Variants in UFSP2 observed in about 807,000 individuals in gnomAD.
UFSP2 encodes ufm1-specific protease 2.
A neutral mutation model predicts 60.2 loss-of-function variants in UFSP2; 43 were observed. The ratio of observed to expected loss-of-function variants is 0.71; its 90% confidence interval spans 0.56 to 0.92. The LOEUF is 0.92. Among genes scored for constraint, UFSP2 ranks in the 40% least tolerant of loss-of-function variants. The pLI, the probability that UFSP2 is intolerant of heterozygous loss-of-function variation, is 0.00. For synonymous variants in UFSP2, 183 were observed against 195.1 expected (o/e 0.94, Z 0.52); for missense variants, 520 against 575.0 (o/e 0.90, Z 0.98).
At chr4:185,407,655 C>T (rs1040351632) in intron 9 of UFSP2, among the ~76,000 whole-genome samples, 8 of 151,784 alleles carry the variant, frequency 5.3e-5, no homozygotes, top group African/African-American at 1.7e-4. Flanking sequence ...CTTTACTCAA[C>T]GTTAATATAT....
Position 185,418,779 on chromosome 4 carries a change from A to C in UFSP2, c.83-9T>G. ...CTTCTTGAGAAAAATTTCTAAATTA[A>C]AAGAATATAAATAGAAGTTAAGAAA... On this transcript the variant is annotated splice_polypyrimidine_tract_variant and intron_variant, in intron 2 of 11. Transcript: ENST00000264689. 2.5e-6 allele frequency: 4 copies of C among 1,578,052 alleles called. No homozygotes were observed. The highest frequency in any genetic ancestry group is 3.4e-6 in the Non-Finnish European group (4 of 1,167,418).
At chr4:185,403,708 T>G in intron 10 of UFSP2, 90 bp from the exon 11 acceptor site, 1 of 1,496,742 alleles carries the variant, frequency 6.7e-7, no homozygotes, top group Non-Finnish European at 8.9e-7. Flanking sequence ...CGGCCGGGCG[T>G]GGTGGCTCAC....
intron 2 of UFSP2, among the ~76,000 whole-genome samples, chr4:185,419,170 C>T (rs1419336119): frequency 7.9e-5 from 12 of 151,684 alleles, no homozygotes; most frequent in Non-Finnish European, 1.6e-4. Context: ...CTCGCTCTGT[C>T]GCCCAGGCTG....
At position 185,402,153 on chromosome 4, in the gene UFSP2, A is replaced by G. The variant is rs533900335; in HGVS notation, c.1323+1341T>C. 2.8e-4 allele frequency: 98 copies of G among 345,610 alleles called. No homozygotes were observed. The East Asian group carries it at 7.0e-3, about 25-fold the overall frequency. 21.4% of individuals were successfully genotyped at this position (345,610 alleles called of 1,614,324 possible). A position where few individuals can be genotyped will look rare whatever the true frequency, so the allele number is the denominator to read the frequency against. On this transcript the variant is annotated intron_variant, in intron 11 of 11. Coordinates refer to ENST00000264689, the MANE Select transcript of UFSP2 (RefSeq NM_018359.5). ...TTTTTGCACTCTCCTTCTCTGTCCT[A>G]CCCTAAAGGTTTTAGCTCCCGAAAA...
chr4:185,416,546 T>A (rs1456797312), intron 4 of UFSP2, among the ~76,000 whole-genome samples: 2 of 152,192 alleles, frequency 1.3e-5, no homozygotes, highest in African/African-American at 4.8e-5. Context: ...TCAAGCACTC[T>A]AGGGTTGAAG....
intron 2 of UFSP2, among the ~76,000 whole-genome samples, chr4:185,421,399 G>A (rs183521783): frequency 2.0e-5 from 3 of 152,256 alleles, no homozygotes; most frequent in South Asian, 4.1e-4. Context: ...GGGCCTGGTG[G>A]GAGGTGTTTG....
intron 1 of UFSP2, among the ~76,000 whole-genome samples, chr4:185,423,470 T>C (rs747790327): frequency 2.0e-5 from 3 of 152,166 alleles, no homozygotes; most frequent in Non-Finnish European, 4.4e-5. Context: ...GTGATATGCA[T>C]TTAGAATCTC....
intron 7 of UFSP2, among the ~76,000 whole-genome samples, chr4:185,409,680 A>G (rs559985056): frequency 6.6e-6 from 1 of 152,344 alleles, no homozygotes; most frequent in East Asian, 1.9e-4. Context: ...GAACTTGTGA[A>G]TGCACCCTCT....
chr4:185,405,672 T>C (rs2095519478), intron 10 of UFSP2, 108 bp downstream of exon 10: 3 of 1,286,866 alleles, frequency 2.3e-6, no homozygotes, highest in Non-Finnish European at 3.2e-6. Flanking sequence ...TAAAAGTTAA[T>C]TTCAAAATTT....
chr4:185,406,469 G>A lies in UFSP2; in HGVS notation c.1122-613C>T, dbSNP rs566296298. Among the ~76,000 whole-genome samples, 5 of 152,246 alleles carry A rather than the reference G, an allele frequency of 3.3e-5. No homozygotes were observed. In the South Asian group the frequency reaches 6.2e-4, roughly 19 times the overall value. On this transcript the variant is annotated intron_variant, in intron 9 of 11. Coordinates refer to ENST00000264689, the MANE Select transcript of UFSP2 (RefSeq NM_018359.5). ...AGGTATTTTTTGGGGGAAGGTGCCC[G>A]GTGGTGCTAAACCTTAGCTCTTGCT...
rs527587882 is a variant in UFSP2 at position 185,400,060 on chromosome 4, CA to C, written c.*331del. 1,634 of 1,526,478 alleles carry C rather than the reference CA, an allele frequency of 1.1e-3. 13 individuals are homozygous for C. In the African/African-American group the frequency reaches 0.018, roughly 17 times the overall value. The allele number at this position is 1,526,478 out of a possible 1,614,324, so 94.6% of individuals were successfully genotyped here. A position where few individuals can be genotyped will look rare whatever the true frequency, so the allele number is the denominator to read the frequency against. On this transcript the variant is annotated 3_prime_UTR_variant, in exon 12 of 12. Transcript: ENST00000264689. ...AGAAGTCTGAAGAACGCCTTCATTT[CA>C]TGCAAATCTATAAGCTCCTGCTTTT...
At position 185,405,741 on chromosome 4, in the gene UFSP2, T is replaced by C. The variant is rs545140266; in HGVS notation, c.1198+39A>G. The C allele has an allele frequency of 4.4e-6, 7 of 1,587,878 alleles. No individual in the cohort carries two copies. In the South Asian group the frequency reaches 6.7e-5, roughly 15 times the overall value. On this transcript the variant is annotated intron_variant, in intron 10 of 11. Transcript: ENST00000264689. ...TTATATCAATGATAAGTTTTGCATATTACTCACTCTACCAAAAACAGTGTC... is the reference window on the plus strand; with the variant it reads ...TTATATCAATGATAAGTTTTGCATACTACTCACTCTACCAAAAACAGTGTC...
At chr4:185,422,956 G>T (rs757040146) in intron 1 of UFSP2, among the ~76,000 whole-genome samples, 1 of 152,110 alleles carries the variant, frequency 6.6e-6, no homozygotes, top group Admixed American at 6.5e-5. Flanking sequence ...CCTCCTGGGT[G>T]TAAGAGATTC....
In UFSP2 at chr4:185,399,851, A is replaced by G; in HGVS notation, c.*541T>C. The G allele has an allele frequency of 6.3e-7, 1 of 1,582,192 alleles. No homozygotes were observed. The highest frequency in any genetic ancestry group is 8.6e-7 in the Non-Finnish European group (1 of 1,163,508). On this transcript the variant is annotated 3_prime_UTR_variant, in exon 12 of 12. Transcript: ENST00000264689. Reference sequence around the variant, plus strand: ...CATAGCATTTATTATTCCATTTAATACTGACACTCGTATTTCTAGTAGTAT... The same window carrying G: ...CATAGCATTTATTATTCCATTTAATGCTGACACTCGTATTTCTAGTAGTAT...
Position 185,400,412 on chromosome 4 carries a change from G to T in UFSP2, c.1390C>A (p.Gln464Lys). 2.5e-6 allele frequency: 4 copies of T among 1,613,390 alleles called. No homozygotes were observed. Among genetic ancestry groups the T allele is most frequent in the Non-Finnish European group, 3.4e-6 (4 of 1,179,576 alleles). ...KDAYYNLCLP[Q>K]RPNMI The stretch of plus-strand genomic sequence containing the variant: ...ATATTTTAAATCATATTTGGTCGCT[G>T]AGGAAGACATAAGTTATAGTATGCA... The change falls in exon 12 of 12, where the codon CAG (glutamine) becomes AAG (lysine). Residue 464 changes from glutamine (Q) to lysine (K), a missense_variant. Gln to Lys is a moderately conservative substitution (Grantham distance 53). Coordinates refer to ENST00000264689, the MANE Select transcript of UFSP2 (RefSeq NM_018359.5).
At chr4:185,403,698 C>A in intron 10 of UFSP2, 80 bp from the exon 11 acceptor site, 1 of 1,528,612 alleles carries the variant, frequency 6.5e-7, no homozygotes, top group Non-Finnish European at 8.8e-7. Context: ...AGACAGATTA[C>A]GGCCGGGCGT....
At chr4:185,409,849 G>A (rs943820422) in intron 7 of UFSP2, among the ~76,000 whole-genome samples, 3 of 152,172 alleles carry the variant, frequency 2.0e-5, no homozygotes, top group African/African-American at 7.2e-5. Flanking sequence ...ATGTGACTGA[G>A]GAGGCAGAGA....
chr4:185,400,386 G>GAT lies in UFSP2; in HGVS notation c.*4_*5dup. 6.2e-7 allele frequency: 1 copy of GAT among 1,606,866 alleles called. No individual in the cohort carries two copies. The highest frequency in any genetic ancestry group is 2.2e-5 in the East Asian group (1 of 44,818). ...ACTCTACTGCAGTCTTTGACTCCAAGATATTTTAAATCATATTTGGTCGCT... is the reference window on the plus strand; with the variant it reads ...ACTCTACTGCAGTCTTTGACTCCAAGATATATTTTAAATCATATTTGGTCGCT... On this transcript the variant is annotated 3_prime_UTR_variant, in exon 12 of 12. Coordinates refer to ENST00000264689, the MANE Select transcript of UFSP2 (RefSeq NM_018359.5).
chr4:185,405,987 T>G (rs961459036), intron 9 of UFSP2, 131 bp from the exon 10 acceptor site: 4 of 1,530,312 alleles, frequency 2.6e-6, no homozygotes, highest in Admixed American at 2.0e-5. Flanking sequence ...TGTAAAAAAA[T>G]TAAGTGTTAG....
Sources: gnomAD v4.1 joint callset for allele counts (sites outside exome capture counted in the v4.1 genomes callset) on GRCh38, gnomAD v4.1.1 for gene constraint, MANE v1.5 for transcripts, NCBI Gene and HGNC (gene_info 2026-07-23, HGNC 2026-07-21) for gene names.